The following PHYHIPL variants were observed in gnomAD, a reference collection of about 807,000 sequenced individuals.
PHYHIPL encodes phytanoyl-CoA hydroxylase-interacting protein-like.
PHYHIPL carries 9 observed loss-of-function variants against 33.4 expected under a neutral mutation model. That is an observed-to-expected ratio of 0.27 (90% CI 0.16 to 0.47). PHYHIPL has a LOEUF of 0.47. PHYHIPL is among the 20% of genes least tolerant of loss of function. PHYHIPL has a pLI of 0.99. For synonymous variants in PHYHIPL, 153 were observed against 154.1 expected (o/e 0.99, Z 0.05); for missense variants, 365 against 460.7 (o/e 0.79, Z 1.90).
intron 1 of PHYHIPL, among the ~76,000 whole-genome samples, chr10:59,187,108 G>A (rs1434001523): frequency 3.3e-5 from 5 of 152,130 alleles, no homozygotes; most frequent in African/African-American, 1.2e-4. Flanking sequence ...GTTTGTCATA[G>A]ATAGCTCTTA....
chr10:59,242,600 G>A (rs1431867019), intron 4 of PHYHIPL, among the ~76,000 whole-genome samples: 1 of 152,040 alleles, frequency 6.6e-6, no homozygotes. Context: ...TGCAGATCTT[G>A]GAATTATCTG....
In PHYHIPL at chr10:59,245,543, A is replaced by T. The variant is rs148214453; in HGVS notation, c.1083A>T (p.Ala361=). The T allele has an allele frequency of 7.4e-6, 12 of 1,611,880 alleles. No homozygotes were observed. The African/African-American group carries it at 1.1e-4, about 14-fold the overall frequency. Residue 361 remains alanine (A), a synonymous_variant, in exon 5 of 5, where the codon GCA becomes GCT. Coordinates refer to ENST00000373880, the MANE Select transcript of PHYHIPL (RefSeq NM_032439.4). ...HQLMSLSTAN[A]KKDPSCKTCN... ...TCATGAGTTTGTCTACTGCAAATGC[A>T]AAGAAAGATCCCAGCTGCAAAACCT...
chr10:59,219,239 A>T, intron 1 of PHYHIPL: 1 of 936,378 alleles, frequency 1.1e-6, no homozygotes, highest in Non-Finnish European at 1.3e-6. Context: ...ATTAAGTAGG[A>T]AGCCAAAGAA....
At chr10:59,223,483 T>C (rs1839835680) in intron 1 of PHYHIPL, among the ~76,000 whole-genome samples, 1 of 152,202 alleles carries the variant, frequency 6.6e-6, no homozygotes, top group Non-Finnish European at 1.5e-5. Flanking sequence ...AAGATACTTA[T>C]CCTCAGTTCC....
chr10:59,228,378 A>G (rs1839987434), intron 1 of PHYHIPL, among the ~76,000 whole-genome samples: 1 of 152,128 alleles, frequency 6.6e-6, no homozygotes, highest in Non-Finnish European at 1.5e-5. Flanking sequence ...GTTACCACTA[A>G]GAGTATTTTT....
rs74788851 is a variant in PHYHIPL, at chr10:59,222,839, A to G, written c.107-11465A>G. Among the ~76,000 whole-genome samples, 487 of 152,270 alleles carry G rather than the reference A, an allele frequency of 3.2e-3. 3 individuals are homozygous for G. The highest frequency in any genetic ancestry group is 0.011 in the African/African-American group (448 of 41,546). On this transcript the variant is annotated intron_variant, in intron 1 of 4. Transcript: ENST00000373880. ...TAGAGTGAATTAATAATTGCATTTTATATTAGTGCATTGTTAAATCATATA... is the reference window on the plus strand; with the variant it reads ...TAGAGTGAATTAATAATTGCATTTTGTATTAGTGCATTGTTAAATCATATA...
chr10:59,179,052 G>A (rs1838329254), intron 1 of PHYHIPL, among the ~76,000 whole-genome samples: 1 of 152,120 alleles, frequency 6.6e-6, no homozygotes, highest in African/African-American at 2.4e-5. Flanking sequence ...GAAATACTTT[G>A]TTTAGAGATG....
At chr10:59,230,338 C>A (rs1216264880) in intron 1 of PHYHIPL, among the ~76,000 whole-genome samples, 2 of 151,846 alleles carry the variant, frequency 1.3e-5, no homozygotes, top group East Asian at 3.9e-4. Context: ...CTCAGCCTCC[C>A]AGGTAGCTGG....
chr10:59,239,496 T>C (rs1190838909), intron 4 of PHYHIPL, among the ~76,000 whole-genome samples: 3 of 151,930 alleles, frequency 2.0e-5, no homozygotes, highest in African/African-American at 7.2e-5. Context: ...CAATTCAAGA[T>C]GAGATTTGGG....
intron 1 of PHYHIPL, among the ~76,000 whole-genome samples, chr10:59,205,779 G>T (rs558914427): frequency 6.6e-6 from 1 of 152,276 alleles, no homozygotes; most frequent in South Asian, 2.1e-4. Flanking sequence ...GGCAGAAAAA[G>T]CTTGACTTCT....
rs182568400 is a variant in PHYHIPL, at chr10:59,226,827, C to T, written c.107-7477C>T. ...GATGGGATTTATAACTTCCAAATTA[C>T]GGTAGAAAAGAGATTTCAAAGAAAA... On this transcript the variant is annotated intron_variant, in intron 1 of 4. Transcript: ENST00000373880. 2.8e-4 allele frequency among the ~76,000 whole-genome samples: 43 copies of T among 151,382 alleles called. No homozygotes were observed. The East Asian group carries it at 3.3e-3, about 12-fold the overall frequency.
chr10:59,244,581 A>AAAAAAAAAAAAAAAAC (rs1564462118), intron 4 of PHYHIPL, among the ~76,000 whole-genome samples: 1 of 148,756 alleles, frequency 6.7e-6, no homozygotes, highest in Non-Finnish European at 1.5e-5. Context: ...AAAAAAAAAA[A>AAAAAAAAAAAAAAAAC]AAAAAGCCAA....
intron 1 of PHYHIPL, among the ~76,000 whole-genome samples, chr10:59,211,664 T>TAAAAAAAAA (rs58992023): frequency 9.4e-5 from 7 of 74,094 alleles, no homozygotes; most frequent in African/African-American, 2.6e-4. Context: ...GCGGACTCTC[T>TAAAAAAAAA]AAAAAAAAAA....
intron 1 of PHYHIPL, among the ~76,000 whole-genome samples, chr10:59,224,124 G>A (rs1839854592): frequency 6.6e-6 from 1 of 152,048 alleles, no homozygotes; most frequent in Non-Finnish European, 1.5e-5. Context: ...GTTTCTTGTT[G>A]GGCTTCTAGT....
intron 1 of PHYHIPL, among the ~76,000 whole-genome samples, chr10:59,231,488 A>ATT (rs1840077859): frequency 2.0e-5 from 3 of 152,102 alleles, no homozygotes; most frequent in Admixed American, 2.0e-4. Context: ...ACAAAGAAAG[A>ATT]CACTTTTAGA....
At chr10:59,190,210 A>G (rs1039495476) in intron 1 of PHYHIPL, among the ~76,000 whole-genome samples, 2 of 151,936 alleles carry the variant, frequency 1.3e-5, no homozygotes, top group African/African-American at 4.8e-5. Context: ...CATCCACTAT[A>G]TTTCTGTATC....
At chr10:59,217,351 C>T (rs909289681) in intron 1 of PHYHIPL, among the ~76,000 whole-genome samples, 1 of 151,842 alleles carries the variant, frequency 6.6e-6, no homozygotes. Context: ...TGTTTAAAAG[C>T]ATATTTGATA....
chr10:59,218,435 G>C (rs1839674635), intron 1 of PHYHIPL, among the ~76,000 whole-genome samples: 1 of 152,092 alleles, frequency 6.6e-6, no homozygotes, highest in Non-Finnish European at 1.5e-5. Flanking sequence ...AAGTGGGAGA[G>C]ATATTTGATC....
intron 1 of PHYHIPL, among the ~76,000 whole-genome samples, chr10:59,194,053 A>G (rs1176878830): frequency 7.0e-6 from 1 of 142,458 alleles, no homozygotes; most frequent in African/African-American, 2.6e-5. Context: ...TGCACTATGT[A>G]TTGTAGAAGT....
Sources: allele counts gnomAD v4.1 joint callset (sites outside exome capture counted in the v4.1 genomes callset), GRCh38; gene constraint gnomAD v4.1.1; transcripts MANE v1.5; gene names NCBI Gene and HGNC (gene_info 2026-07-23, HGNC 2026-07-21).